The following SFMBT2 variants were observed in gnomAD, a reference collection of about 807,000 sequenced individuals.
The protein encoded by SFMBT2 is scm-like with four MBT domains protein 2.
In SFMBT2, 38 loss-of-function variants were observed where a neutral mutation model predicts 110.1. That is an observed-to-expected ratio of 0.35 (90% CI 0.27 to 0.45). The LOEUF (loss-of-function observed/expected upper bound fraction) is 0.45. Among genes scored for constraint, SFMBT2 ranks in the 20% least tolerant of loss-of-function variants. SFMBT2 has a pLI of 1.00. For synonymous variants in SFMBT2, 425 were observed against 425.4 expected (o/e 1.00, Z 0.01); for missense variants, 1,011 against 1,094.9 (o/e 0.92, Z 1.08).
chr10:7,397,785 CTAT>C (rs1845967560), intron 1 of SFMBT2, among the ~76,000 whole-genome samples: 1 of 152,260 alleles, frequency 6.6e-6, no homozygotes, highest in Non-Finnish European at 1.5e-5. Flanking sequence ...GTGCCAAGCA[CTAT>C]TATCAACGCG....
intron 1 of SFMBT2, among the ~76,000 whole-genome samples, chr10:7,406,171 G>A (rs1477308332): frequency 6.6e-6 from 1 of 151,902 alleles, no homozygotes; most frequent in Non-Finnish European, 1.5e-5. Context: ...AATATAAAGA[G>A]AGAAATGTCC....
At chr10:7,371,569 G>A (rs529388146) in intron 2 of SFMBT2, among the ~76,000 whole-genome samples, 4 of 152,208 alleles carry the variant, frequency 2.6e-5, no homozygotes, top group South Asian at 2.1e-4. Context: ...ACATATACAC[G>A]GCATAAATGT....
chr10:7,359,551 A>G (rs1844647706), intron 4 of SFMBT2, among the ~76,000 whole-genome samples: 1 of 152,256 alleles, frequency 6.6e-6, no homozygotes. Flanking sequence ...GAGAAAATAA[A>G]TTCATTTATG....
At chr10:7,285,444 T>C (rs996113432) in intron 5 of SFMBT2, 1 of 152,938 alleles carries the variant, frequency 6.5e-6, no homozygotes, top group Non-Finnish European at 1.5e-5. Flanking sequence ...TGCGTCAAAA[T>C]AGAACATTTA....
At chr10:7,252,323 A>G (rs77593076) in intron 7 of SFMBT2, among the ~76,000 whole-genome samples, 9,679 of 152,232 alleles carry the variant, frequency 0.064, 415 homozygotes, top group Admixed American at 0.089. Context: ...GCTTGGAAAT[A>G]CAGCAGACAG....
intron 13 of SFMBT2, among the ~76,000 whole-genome samples, chr10:7,201,300 G>A (rs1473476206): frequency 6.6e-6 from 1 of 152,230 alleles, no homozygotes; most frequent in East Asian, 1.9e-4. Flanking sequence ...TTCTGAATCA[G>A]AAATTTTGAG....
chr10:7,258,400 G>GT lies in SFMBT2; in HGVS notation c.871-9752dup, dbSNP rs1008914475. 8.5e-5 allele frequency among the ~76,000 whole-genome samples: 13 copies of GT among 152,242 alleles called. No homozygotes were observed. The East Asian group carries it at 1.7e-3, about 20-fold the overall frequency. ...ACAGATATAGGATTCACCCTGCCCA[G>GT]TTTTTTTAAGCAACAAAATCTTTTA... is the stretch of plus-strand genomic sequence containing the variant. On this transcript the variant is annotated intron_variant, in intron 7 of 20. Coordinates refer to ENST00000397167, the MANE Select transcript of SFMBT2 (RefSeq NM_001387889.1).
intron 4 of SFMBT2, among the ~76,000 whole-genome samples, chr10:7,297,068 G>C (rs1033223985): frequency 4.6e-5 from 7 of 152,172 alleles, no homozygotes; most frequent in African/African-American, 1.7e-4. Flanking sequence ...CATTCTATTG[G>C]TTCTACTTCT....
chr10:7,372,286 T>C (rs1312912219), intron 2 of SFMBT2, among the ~76,000 whole-genome samples: 3 of 152,154 alleles, frequency 2.0e-5, no homozygotes, highest in East Asian at 1.9e-4. Flanking sequence ...CTCTCAGAAA[T>C]TGAGGGAAGA....
chr10:7,329,595 A>C, intron 4 of SFMBT2: 5 of 737,508 alleles, frequency 6.8e-6, no homozygotes, highest in Non-Finnish European at 8.3e-6. Flanking sequence ...GCTGATGCTC[A>C]CAGATTCCTC....
chr10:7,192,191 C>T (rs1838621474), intron 15 of SFMBT2, among the ~76,000 whole-genome samples: 1 of 152,208 alleles, frequency 6.6e-6, no homozygotes, highest in African/African-American at 2.4e-5. Context: ...TTGAAAACAG[C>T]AGCAACAAAA....
rs1841797343 is a variant in SFMBT2 at position 7,276,920 on chromosome 10, T to C, written c.842A>G (p.Lys281Arg). Residue 281 changes from lysine to arginine, a missense_variant, in exon 7 of 21, where the codon AAA becomes AGA. Physicochemically the swap from Lys to Arg is conservative, Grantham distance 26. Coordinates refer to ENST00000397167, the MANE Select transcript of SFMBT2 (RefSeq NM_001387889.1). ...AAACACTTCCATTGGAAGAGGAAAT[T>C]TGGCAGCATCAATAAGGGATTTTTC... ...TLEKSLIDAA[K>R]FPLPMEVFKD... 1 of 872,766 alleles carries C rather than the reference T, an allele frequency of 1.1e-6. No homozygotes were observed. The highest frequency in any genetic ancestry group is 2.0e-6 in the Non-Finnish European group (1 of 501,504). 54.1% of individuals were successfully genotyped at this position (872,766 alleles called of 1,614,324 possible).
chr10:7,226,940 T>G (rs1233405989), intron 10 of SFMBT2, among the ~76,000 whole-genome samples: 1 of 152,134 alleles, frequency 6.6e-6, no homozygotes, highest in Non-Finnish European at 1.5e-5. Flanking sequence ...CACACAACAA[T>G]GAAGCGGCCT....
At chr10:7,201,030 A>G (rs1011513435) in intron 13 of SFMBT2, 1 of 159,336 alleles carries the variant, frequency 6.3e-6, no homozygotes, top group Non-Finnish European at 1.3e-5. Context: ...ATAGTTCAGT[A>G]AAAATGTTGC....
chr10:7,392,975 T>A (rs1845810466), intron 1 of SFMBT2, among the ~76,000 whole-genome samples: 1 of 131,220 alleles, frequency 7.6e-6, no homozygotes, highest in African/African-American at 2.7e-5. Context: ...TACAAGTATG[T>A]GGATAGATTA....
chr10:7,298,412 T>A (rs1588428450), intron 4 of SFMBT2, among the ~76,000 whole-genome samples: 1 of 152,194 alleles, frequency 6.6e-6, no homozygotes, highest in African/African-American at 2.4e-5. Context: ...GGAATGTCAC[T>A]TACCCAAAAG....
intron 7 of SFMBT2, chr10:7,264,078 G>A (rs781239980): frequency 4.1e-6 from 1 of 244,216 alleles, no homozygotes; most frequent in Non-Finnish European, 6.6e-6. Flanking sequence ...TAGTAGAGAG[G>A]GTGTCCATGC....
intron 16 of SFMBT2, among the ~76,000 whole-genome samples, chr10:7,187,673 T>C (rs1482936128): frequency 6.6e-6 from 1 of 152,232 alleles, no homozygotes; most frequent in Non-Finnish European, 1.5e-5. Context: ...TCTCTAAACA[T>C]CTTCAGTCAC....
intron 20 of SFMBT2, chr10:7,164,426 G>A (rs560152334): frequency 5.1e-6 from 5 of 984,910 alleles, no homozygotes; most frequent in Non-Finnish European, 6.0e-6. Flanking sequence ...AAGAGCTTTT[G>A]GCTAAGGGCA....
Sources: allele counts gnomAD v4.1 joint callset (sites outside exome capture counted in the v4.1 genomes callset), GRCh38; gene constraint gnomAD v4.1.1; transcripts MANE v1.5; gene names NCBI Gene and HGNC (gene_info 2026-07-23, HGNC 2026-07-21).